COL23A1: variants seen among roughly 807,000 people sequenced by gnomAD.
The protein encoded by COL23A1 is collagen type XXIII alpha 1 chain.
A neutral mutation model predicts 99.3 loss-of-function variants in COL23A1; 97 were observed. That is an observed-to-expected ratio of 0.98 (90% CI 0.83 to 1.16). The LOEUF is 1.16. Ranked by LOEUF, COL23A1 falls within the 50% of genes most tolerant of loss-of-function variation. COL23A1 has a pLI of 0.00. For missense variants in COL23A1, 762 were observed against 757.4 expected (o/e 1.01, Z -0.07); for synonymous variants, 320 against 308.2 (o/e 1.04, Z -0.40).
chr5:178,360,130 C>T (rs1762097745), intron 2 of COL23A1, among the ~76,000 whole-genome samples: 2 of 152,162 alleles, frequency 1.3e-5, no homozygotes, highest in Non-Finnish European at 2.9e-5. Flanking sequence ...ATGCGAACCA[C>T]ATCTCCAGGG....
chr5:178,373,571 C>T (rs569924463), intron 2 of COL23A1, among the ~76,000 whole-genome samples: 1 of 152,290 alleles, frequency 6.6e-6, no homozygotes, highest in Admixed American at 6.5e-5. Flanking sequence ...CTCCTGCCAT[C>T]AGCCCAGCTA....
chr5:178,550,331 G>C (rs969983057), intron 2 of COL23A1, among the ~76,000 whole-genome samples: 4 of 152,298 alleles, frequency 2.6e-5, no homozygotes, highest in Non-Finnish European at 5.9e-5. Flanking sequence ...TTTGGGACCG[G>C]ATAGTTCTTT....
intron 19 of COL23A1, 108 bp downstream of exon 19, chr5:178,249,009 A>T: frequency 1.8e-6 from 2 of 1,095,286 alleles, no homozygotes; most frequent in South Asian, 1.3e-5. Context: ...CTGAGACCGC[A>T]GGGGCTGTCA....
intron 2 of COL23A1, among the ~76,000 whole-genome samples, chr5:178,430,913 T>A (rs892005561): frequency 6.6e-6 from 1 of 152,150 alleles, no homozygotes; most frequent in South Asian, 2.1e-4. Context: ...CCTCACGTGA[T>A]GCCCTGGGTG....
chr5:178,388,145 C>A (rs1287578798), intron 2 of COL23A1, among the ~76,000 whole-genome samples: 2 of 152,190 alleles, frequency 1.3e-5, no homozygotes, highest in Non-Finnish European at 2.9e-5. Context: ...AAGCTCCCTG[C>A]CCTGAAATGC....
intron 2 of COL23A1, among the ~76,000 whole-genome samples, chr5:178,445,749 GC>G (rs984870342): frequency 1.3e-5 from 2 of 151,924 alleles, no homozygotes; most frequent in Non-Finnish European, 2.9e-5. Context: ...TATTAGGAGG[GC>G]AAAGAATCTT....
At chr5:178,418,855 C>A (rs1377431954) in intron 2 of COL23A1, among the ~76,000 whole-genome samples, 1 of 152,202 alleles carries the variant, frequency 6.6e-6, no homozygotes, top group Admixed American at 6.5e-5. Context: ...GGCAGGACTG[C>A]AGAGATCCAG....
chr5:178,441,099 G>C (rs1485437793), intron 2 of COL23A1, among the ~76,000 whole-genome samples: 1 of 152,148 alleles, frequency 6.6e-6, no homozygotes, highest in East Asian at 1.9e-4. Context: ...ATGGGGCTTG[G>C]GACCCAGAAA....
chr5:178,515,123 G>C (rs1288245967), intron 2 of COL23A1, among the ~76,000 whole-genome samples: 1 of 152,250 alleles, frequency 6.6e-6, no homozygotes, highest in Non-Finnish European at 1.5e-5. Context: ...CTGAGCTGCA[G>C]ATGGGGAGGA....
At chr5:178,558,278 C>CA (rs981001900) in intron 2 of COL23A1, among the ~76,000 whole-genome samples, 1 of 152,080 alleles carries the variant, frequency 6.6e-6, no homozygotes. Flanking sequence ...GAAAGCCCCC[C>CA]AGAGCCCGCT....
intron 6 of COL23A1, among the ~76,000 whole-genome samples, chr5:178,269,520 C>G (rs375001070): frequency 2.5e-5 from 2 of 80,660 alleles, no homozygotes; most frequent in African/African-American, 1.2e-4. Flanking sequence ...TCCACCCACC[C>G]ATCCACCCAC....
intron 2 of COL23A1, among the ~76,000 whole-genome samples, chr5:178,329,085 C>A (rs1759860572): frequency 6.6e-6 from 1 of 150,398 alleles, no homozygotes; most frequent in African/African-American, 2.5e-5. Flanking sequence ...AGGCAGAAAG[C>A]CCCCCTCCAG....
intron 6 of COL23A1, among the ~76,000 whole-genome samples, chr5:178,269,626 T>TC (rs1221750120): frequency 1.6e-3 from 56 of 35,628 alleles, no homozygotes; most frequent in South Asian, 6.4e-3. Flanking sequence ...ATCCATCCAT[T>TC]CATCCACCCA....
chr5:178,343,024 T>C (rs771619061), intron 2 of COL23A1, among the ~76,000 whole-genome samples: 1 of 152,200 alleles, frequency 6.6e-6, no homozygotes, highest in Non-Finnish European at 1.5e-5. Context: ...AGTACCGAAG[T>C]GAACACTGAA....
intron 2 of COL23A1, among the ~76,000 whole-genome samples, chr5:178,465,882 C>T (rs2133281): frequency 0.47 from 71,933 of 152,046 alleles, 18,548 homozygotes; most frequent in Non-Finnish European, 0.58. Context: ...GGTGTGGACT[C>T]GCCGCTTGCC....
At chr5:178,546,202 G>A (rs892331304) in intron 2 of COL23A1, among the ~76,000 whole-genome samples, 38 of 152,250 alleles carry the variant, frequency 2.5e-4, no homozygotes, top group African/African-American at 8.7e-4. Context: ...GAAATATGGG[G>A]TGGCGGGGGG....
chr5:178,381,946 T>G (rs549327893), intron 2 of COL23A1, among the ~76,000 whole-genome samples: 26 of 152,302 alleles, frequency 1.7e-4, no homozygotes, highest in Non-Finnish European at 2.9e-4. Context: ...TTGCCTGGAA[T>G]TTTTGGATCA....
chr5:178,518,522 A>G lies in COL23A1; in HGVS notation c.361+42160T>C, dbSNP rs1296052098. 7.2e-3 allele frequency among the ~76,000 whole-genome samples: 1,076 copies of G among 148,982 alleles called. 5 individuals are homozygous for G. The highest frequency in any genetic ancestry group is 0.025 in the African/African-American group (987 of 40,068). On this transcript the variant is annotated intron_variant, in intron 2 of 28. Transcript: ENST00000390654. ...CCGGACGGGGTGGCTGGCCGGGCAG[A>G]GGGGCTCCTCACTTCTCAGACGGGG...
chr5:178,328,466 C>CTT (rs1759822455), intron 2 of COL23A1, among the ~76,000 whole-genome samples: 1 of 152,228 alleles, frequency 6.6e-6, no homozygotes, highest in South Asian at 2.1e-4. Context: ...AATCCTGACT[C>CTT]TTTCATAGGC....
Sources: allele counts gnomAD v4.1 joint callset (sites outside exome capture counted in the v4.1 genomes callset), GRCh38; gene constraint gnomAD v4.1.1; transcripts MANE v1.5; gene names NCBI Gene and HGNC (gene_info 2026-07-23, HGNC 2026-07-21).